FSIP1: variants seen among roughly 807,000 people sequenced by gnomAD.
FSIP1 encodes the protein fibrous sheath interacting protein 1.
A neutral mutation model predicts 60.9 loss-of-function variants in FSIP1; 65 were observed. The observed-to-expected ratio is 1.07, with a 90% CI of 0.87 to 1.31. FSIP1 has a LOEUF of 1.31. Among genes scored for constraint, FSIP1 ranks in the 40% most tolerant of loss-of-function variants. The pLI is 0.00. For synonymous variants in FSIP1, 209 were observed against 221.2 expected (o/e 0.94, Z 0.49); for missense variants, 675 against 665.5 (o/e 1.01, Z -0.16).
intron 8 of FSIP1, among the ~76,000 whole-genome samples, chr15:39,730,379 G>A (rs1896358148): frequency 6.6e-6 from 1 of 152,182 alleles, no homozygotes; most frequent in Admixed American, 6.5e-5. Flanking sequence ...GGGGCTATGA[G>A]AATGGATAAG....
At chr15:39,732,081 G>A (rs572218104) in intron 8 of FSIP1, among the ~76,000 whole-genome samples, 2 of 152,120 alleles carry the variant, frequency 1.3e-5, no homozygotes, top group Non-Finnish European at 2.9e-5. Context: ...AGACCATCAG[G>A]CATTAGATTC....
Position 39,713,592 on chromosome 15 carries a change from GAAA to G in FSIP1, c.1051-14_1051-12del. On this transcript the variant is annotated splice_polypyrimidine_tract_variant and intron_variant, in intron 9 of 11. Coordinates refer to ENST00000350221, the MANE Select transcript of FSIP1 (RefSeq NM_152597.5). ...ATCACGGTCAGGTTTCTAATTTAAA[GAAA>G]AAAAAAAAACATCATTCACAGGCTG... is the stretch of plus-strand genomic sequence containing the variant. The G allele has an allele frequency of 7.6e-7, 1 of 1,323,910 alleles. No individual in the cohort carries two copies. The allele number at this position is 1,323,910 out of a possible 1,614,324, so 82.0% of individuals were successfully genotyped here. A position where few individuals can be genotyped will look rare whatever the true frequency, so the allele number is the denominator to read the frequency against.
chr15:39,610,932 A>G (rs1330924782), intron 11 of FSIP1, among the ~76,000 whole-genome samples: 1 of 152,206 alleles, frequency 6.6e-6, no homozygotes, highest in African/African-American at 2.4e-5. Flanking sequence ...AACAAAAACT[A>G]AGTAAGTTTA....
chr15:39,666,206 T>C (rs893510899), intron 10 of FSIP1, among the ~76,000 whole-genome samples: 2 of 152,122 alleles, frequency 1.3e-5, no homozygotes, highest in Non-Finnish European at 2.9e-5. Context: ...CCTTTGTGTG[T>C]GACTAAAAAT....
At chr15:39,700,728 C>T (rs4924381) in intron 10 of FSIP1, among the ~76,000 whole-genome samples, 3,692 of 152,182 alleles carry the variant, frequency 0.024, 365 homozygotes, top group Admixed American at 0.17. Context: ...CCCATAGGTC[C>T]CCATATAAAT....
At chr15:39,615,603 A>T (rs1891196837) in intron 11 of FSIP1, among the ~76,000 whole-genome samples, 1 of 151,970 alleles carries the variant, frequency 6.6e-6, no homozygotes, top group African/African-American at 2.4e-5. Flanking sequence ...AAAAGATGAA[A>T]GAGACTGGGT....
chr15:39,645,605 A>C (rs981243215), intron 10 of FSIP1, among the ~76,000 whole-genome samples: 10 of 151,724 alleles, frequency 6.6e-5, no homozygotes, highest in Non-Finnish European at 1.5e-4. Context: ...GGAAGCAGGC[A>C]GGAGCCGGGG....
At chr15:39,756,370 TTTTG>T (rs773212415) in intron 5 of FSIP1, among the ~76,000 whole-genome samples, 3 of 152,140 alleles carry the variant, frequency 2.0e-5, no homozygotes, top group Non-Finnish European at 2.9e-5. Context: ...AAGGTTAATT[TTTTG>T]TTTGTTTGTT....
chr15:39,762,710 T>C (rs927807562), intron 5 of FSIP1, among the ~76,000 whole-genome samples: 1 of 152,186 alleles, frequency 6.6e-6, no homozygotes, highest in African/African-American at 2.4e-5. Flanking sequence ...CCTGTTTTCT[T>C]AAAGACAAGG....
chr15:39,722,038 G>A (rs28421798), intron 9 of FSIP1, among the ~76,000 whole-genome samples: 18,075 of 152,106 alleles, frequency 0.12, 1,317 homozygotes, highest in African/African-American at 0.2. Flanking sequence ...AGCAGGAGGT[G>A]AGCGGCAGGC....
intron 10 of FSIP1, among the ~76,000 whole-genome samples, chr15:39,672,045 TG>T (rs1371468855): frequency 6.6e-6 from 1 of 152,140 alleles, no homozygotes; most frequent in Admixed American, 6.5e-5. Context: ...GATAAAGACC[TG>T]GGGGAATAGC....
At chr15:39,607,811 G>A (rs1482657221) in intron 11 of FSIP1, among the ~76,000 whole-genome samples, 1 of 152,098 alleles carries the variant, frequency 6.6e-6, no homozygotes, top group Non-Finnish European at 1.5e-5. Context: ...AACAATAAAT[G>A]GCTTTTCTTA....
chr15:39,676,115 G>A (rs1179852889), intron 10 of FSIP1, among the ~76,000 whole-genome samples: 4 of 147,312 alleles, frequency 2.7e-5, no homozygotes, highest in Admixed American at 6.9e-5. Context: ...GGAGGTTGCA[G>A]TGAGCCAAAA....
intron 10 of FSIP1, among the ~76,000 whole-genome samples, chr15:39,671,393 A>T (rs1566878515): frequency 6.6e-6 from 1 of 152,070 alleles, no homozygotes; most frequent in East Asian, 1.9e-4. Flanking sequence ...TTTTATGTTG[A>T]TTTTTTTTAA....
chr15:39,776,502 A>G lies in FSIP1; in HGVS notation c.23T>C (p.Leu8Pro), dbSNP rs1898069431. 6.3e-7 allele frequency: 1 copy of G among 1,598,404 alleles called. No individual in the cohort carries two copies. The highest frequency in any genetic ancestry group is 1.3e-5 in the African/African-American group (1 of 74,326). The change falls in exon 2 of 12, where the codon CTA (leucine) becomes CCA (proline). Residue 8 changes from leucine to proline, a missense_variant. Leu to Pro is a moderately conservative substitution (Grantham distance 98). Coordinates refer to ENST00000350221, the MANE Select transcript of FSIP1 (RefSeq NM_152597.5). ...TGAAGCTGGTTTTGAAATTCCATCT[A>G]GGTTTCCCTTTATAATATCCATTGA... is the stretch of plus-strand genomic sequence containing the variant. MDIIKGN[L>P]DGISKPASNS...
At chr15:39,721,682 AG>A (rs1895988706) in intron 9 of FSIP1, among the ~76,000 whole-genome samples, 1 of 152,232 alleles carries the variant, frequency 6.6e-6, no homozygotes, top group Admixed American at 6.5e-5. Context: ...AGTGGGCCTT[AG>A]GGCCTGCCAT....
At chr15:39,760,148 T>C (rs377160668) in intron 5 of FSIP1, among the ~76,000 whole-genome samples, 13 of 152,204 alleles carry the variant, frequency 8.5e-5, no homozygotes, top group African/African-American at 3.1e-4. Context: ...GGCACATCCA[T>C]CTAATGAATT....
chr15:39,611,787 G>C (rs1183067133), intron 11 of FSIP1, among the ~76,000 whole-genome samples: 1 of 152,192 alleles, frequency 6.6e-6, no homozygotes, highest in Non-Finnish European at 1.5e-5. Flanking sequence ...CACTTTACTA[G>C]TAAGAAAATA....
At chr15:39,771,030 T>C (rs1566921586) in intron 2 of FSIP1, among the ~76,000 whole-genome samples, 1 of 152,070 alleles carries the variant, frequency 6.6e-6, no homozygotes, top group Non-Finnish European at 1.5e-5. Flanking sequence ...CTAGGGAGAG[T>C]CTCCTAATCA....
Sources: gnomAD v4.1 joint callset for allele counts (sites outside exome capture counted in the v4.1 genomes callset) on GRCh38, gnomAD v4.1.1 for gene constraint, MANE v1.5 for transcripts, NCBI Gene and HGNC (gene_info 2026-07-23, HGNC 2026-07-21) for gene names.